TBL1XR1: variants seen among roughly 807,000 people sequenced by gnomAD.
TBL1XR1 encodes F-box-like/WD repeat-containing protein TBL1XR1.
A neutral mutation model predicts 66.9 loss-of-function variants in TBL1XR1; 5 were observed. That is an observed-to-expected ratio of 0.07 (90% confidence interval 0.04 to 0.16). TBL1XR1 has a LOEUF of 0.16. Ranked by LOEUF, TBL1XR1 falls within the 10% of genes least tolerant of loss-of-function variation. The pLI is 1.00. For synonymous variants in TBL1XR1, 210 were observed against 206.0 expected (o/e 1.02, Z -0.17); for missense variants, 238 against 623.2 (o/e 0.38, Z 6.58).
intron 1 of TBL1XR1, among the ~76,000 whole-genome samples, chr3:177,115,733 T>G (rs564631287): frequency 1.2e-4 from 18 of 152,366 alleles, no homozygotes; most frequent in African/African-American, 4.3e-4. Flanking sequence ...TTTTTTAGTT[T>G]TGAAGCAAGA....
chr3:177,025,244 T>A lies in TBL1XR1; in HGVS notation c.*254A>T. Reference sequence around the variant, plus strand: ...CTCTTCTGTTTTTCATATCCAAAACTTCTAAATGCTATTTTAGGGGCACAG... The same window carrying A: ...CTCTTCTGTTTTTCATATCCAAAACATCTAAATGCTATTTTAGGGGCACAG... On this transcript the variant is annotated 3_prime_UTR_variant, in exon 16 of 16. Transcript: ENST00000457928. 1 of 404,656 alleles carries A rather than the reference T, an allele frequency of 2.5e-6. No homozygotes were observed. Among genetic ancestry groups the A allele is most frequent in the Non-Finnish European group, 4.4e-6 (1 of 228,824 alleles). The allele number at this position is 404,656 out of a possible 1,614,324, so 25.1% of individuals were successfully genotyped here. A position where few individuals can be genotyped will look rare whatever the true frequency, so the allele number is the denominator to read the frequency against.
At chr3:177,119,546 C>CT (rs1371427724) in intron 1 of TBL1XR1, among the ~76,000 whole-genome samples, 1 of 152,144 alleles carries the variant, frequency 6.6e-6, no homozygotes, top group Non-Finnish European at 1.5e-5. Flanking sequence ...CATATACTGT[C>CT]TTTGTTTCTT....
intron 1 of TBL1XR1, among the ~76,000 whole-genome samples, chr3:177,098,837 T>C (rs950384401): frequency 2.0e-5 from 3 of 152,214 alleles, no homozygotes; most frequent in Non-Finnish European, 2.9e-5. Flanking sequence ...GTAAATATTA[T>C]TGCATTACGG....
chr3:177,029,648 A>G (rs963418786), intron 14 of TBL1XR1, among the ~76,000 whole-genome samples: 2 of 151,954 alleles, frequency 1.3e-5, no homozygotes, highest in East Asian at 3.9e-4. Context: ...CAACCAAAAA[A>G]CCCCACAAAA....
chr3:177,089,740 T>TAGA (rs1162041818), intron 2 of TBL1XR1, among the ~76,000 whole-genome samples: 1 of 152,162 alleles, frequency 6.6e-6, no homozygotes, highest in African/African-American at 2.4e-5. Context: ...CAAGAGGAAA[T>TAGA]AGAAGGGCTC....
chr3:177,158,518 C>T (rs112975897), intron 1 of TBL1XR1, among the ~76,000 whole-genome samples: 37 of 152,208 alleles, frequency 2.4e-4, no homozygotes, highest in African/African-American at 7.9e-4. Flanking sequence ...TGAACCACCA[C>T]GTCCGGCCAA....
intron 2 of TBL1XR1, among the ~76,000 whole-genome samples, chr3:177,082,847 C>A (rs1721604510): frequency 6.8e-6 from 1 of 147,684 alleles, no homozygotes; most frequent in Non-Finnish European, 1.5e-5. Flanking sequence ...GCTCCACCTC[C>A]CAGGTTCACG....
chr3:177,096,567 G>A (rs892124627), intron 2 of TBL1XR1, among the ~76,000 whole-genome samples: 11 of 152,168 alleles, frequency 7.2e-5, no homozygotes, highest in African/African-American at 2.7e-4. Context: ...CAACTGGTTT[G>A]ACTGCCAAGG....
At chr3:177,072,954 C>CT (rs1158903457) in intron 2 of TBL1XR1, among the ~76,000 whole-genome samples, 2 of 152,026 alleles carry the variant, frequency 1.3e-5, no homozygotes, top group East Asian at 3.8e-4. Flanking sequence ...ATCTCAGCTA[C>CT]TTGGGGGGTT....
intron 3 of TBL1XR1, among the ~76,000 whole-genome samples, chr3:177,061,978 G>A (rs1229346740): frequency 1.3e-5 from 2 of 152,140 alleles, no homozygotes; most frequent in Non-Finnish European, 2.9e-5. Flanking sequence ...TGTTATGAGT[G>A]AGATTCTGAG....
At chr3:177,100,608 A>G (rs978848383) in intron 1 of TBL1XR1, among the ~76,000 whole-genome samples, 1 of 152,054 alleles carries the variant, frequency 6.6e-6, no homozygotes, top group African/African-American at 2.4e-5. Context: ...TATTTTTAGT[A>G]GAGACGGGGT....
In TBL1XR1 at chr3:177,020,929, T is replaced by A. The variant is rs1170655588; in HGVS notation, c.*4569A>T. On this transcript the variant is annotated 3_prime_UTR_variant, in exon 16 of 16. Coordinates refer to ENST00000457928, the MANE Select transcript of TBL1XR1 (RefSeq NM_024665.7). ...TGTGATGTGGAACTAAAATACGTCG[T>A]AAGTGTAATTAACATGGTCCAGGAC... is the stretch of plus-strand genomic sequence containing the variant. 1 of 152,146 alleles carries A rather than the reference T, an allele frequency of 6.6e-6. No homozygotes were observed. Among genetic ancestry groups the A allele is most frequent in the Admixed American group, 6.5e-5 (1 of 15,268 alleles). 9.4% of individuals were successfully genotyped at this position (152,146 alleles called of 1,614,324 possible).
chr3:177,145,993 T>G (rs1468178143), intron 1 of TBL1XR1, among the ~76,000 whole-genome samples: 2 of 152,238 alleles, frequency 1.3e-5, no homozygotes, highest in Admixed American at 1.3e-4. Flanking sequence ...AACTGAAAGA[T>G]GCAAGGATTG....
intron 2 of TBL1XR1, among the ~76,000 whole-genome samples, chr3:177,090,810 G>T (rs529259706): frequency 7.2e-5 from 11 of 151,814 alleles, no homozygotes; most frequent in Admixed American, 6.6e-4. Flanking sequence ...ACTCCGTCTC[G>T]AAATAAAATA....
intron 1 of TBL1XR1, among the ~76,000 whole-genome samples, chr3:177,192,586 T>TA (rs1169015042): frequency 6.6e-6 from 1 of 151,672 alleles, no homozygotes; most frequent in Admixed American, 6.6e-5. Context: ...TTTTTAAGAG[T>TA]AAAAAAAACC....
chr3:177,087,648 C>T (rs1295525504), intron 2 of TBL1XR1, among the ~76,000 whole-genome samples: 1 of 151,938 alleles, frequency 6.6e-6, no homozygotes, highest in African/African-American at 2.4e-5. Context: ...AAGTTCCTGT[C>T]CTTTACACAC....
intron 15 of TBL1XR1, chr3:177,026,106 G>C (rs2108376987): frequency 2.2e-6 from 1 of 455,772 alleles, no homozygotes; most frequent in Non-Finnish European, 3.8e-6. Context: ...TGTTCCTCTG[G>C]TATACCTAAT....
intron 2 of TBL1XR1, among the ~76,000 whole-genome samples, chr3:177,067,556 A>G (rs1719327251): frequency 6.6e-6 from 1 of 152,236 alleles, no homozygotes; most frequent in African/African-American, 2.4e-5. Context: ...TTGCTTTTAA[A>G]AATTCCTGCA....
At position 177,144,178 on chromosome 3, in the gene TBL1XR1, G is replaced by A. The variant is rs970080368; in HGVS notation, c.-121-45637C>T. ...GAAAATCGCTTGAACCCCGGGAGGC[G>A]GAGGTTGGAGTGAGCTGAGATCACA... is the stretch of plus-strand genomic sequence containing the variant. On this transcript the variant is annotated intron_variant, in intron 1 of 15. Coordinates refer to ENST00000457928, the MANE Select transcript of TBL1XR1 (RefSeq NM_024665.7). 1.2e-4 allele frequency among the ~76,000 whole-genome samples: 19 copies of A among 152,052 alleles called. No individual in the cohort carries two copies. The East Asian group carries it at 1.5e-3, about 12-fold the overall frequency.
Sources: allele counts gnomAD v4.1 joint callset (sites outside exome capture counted in the v4.1 genomes callset), GRCh38; gene constraint gnomAD v4.1.1; transcripts MANE v1.5; gene names NCBI Gene and HGNC (gene_info 2026-07-23, HGNC 2026-07-21).